The following UBE3C variants were observed in gnomAD, a reference collection of about 807,000 sequenced individuals.
UBE3C encodes the protein ubiquitin protein ligase E3C.
In UBE3C, 42 loss-of-function variants were observed where a neutral mutation model predicts 129.4. That is an observed-to-expected ratio of 0.32 (90% confidence interval 0.25 to 0.42). The LOEUF is 0.42. UBE3C is among the 10% of genes least tolerant of loss of function. The pLI, the probability that UBE3C is intolerant of heterozygous loss-of-function variation, is 1.00. For missense variants in UBE3C, 1,049 were observed against 1,319.1 expected (o/e 0.80, Z 3.17); for synonymous variants, 510 against 492.4 (o/e 1.04, Z -0.47).
Position 157,207,809 on chromosome 7 carries a change from T to G in UBE3C, c.1683T>G (p.Tyr561Ter). 6.2e-7 allele frequency: 1 copy of G among 1,614,146 alleles called. No individual in the cohort carries two copies. The highest frequency in any genetic ancestry group is 8.5e-7 in the Non-Finnish European group (1 of 1,180,022). The change falls in exon 13 of 23, where the codon TAT becomes TAG. Residue 561 changes from tyrosine to a stop codon, truncating the protein, a stop_gained. Coordinates refer to ENST00000348165, the MANE Select transcript of UBE3C (RefSeq NM_014671.3). LOFTEE classifies it high-confidence loss of function. Reference sequence around the variant, plus strand: ...GCCTGGGGATCATCAAGTTGGCTTATCCAGAAACCAAGCCAGAAGTTCGAG... The same window carrying G: ...GCCTGGGGATCATCAAGTTGGCTTAGCCAGAAACCAAGCCAGAAGTTCGAG... ...DACLGIIKLA[Y>*]PETKPEVREE...
intron 10 of UBE3C, among the ~76,000 whole-genome samples, chr7:157,189,879 C>A (rs1198636831): frequency 6.6e-6 from 1 of 152,184 alleles, no homozygotes; most frequent in African/African-American, 2.4e-5. Context: ...CGGCTCACTG[C>A]AACCTCCACC....
intron 13 of UBE3C, among the ~76,000 whole-genome samples, chr7:157,211,212 T>G (rs1241921207): frequency 7.9e-6 from 1 of 126,990 alleles, no homozygotes; most frequent in Admixed American, 7.7e-5. Flanking sequence ...ATGAGTGATT[T>G]TTTTACTTCC....
chr7:157,207,951 ATT>A lies in UBE3C; in HGVS notation c.1809+22_1809+23del, dbSNP rs111673497. 7.3e-7 allele frequency: 1 copy of A among 1,378,648 alleles called. No homozygotes were observed. The highest frequency in any genetic ancestry group is 9.4e-7 in the Non-Finnish European group (1 of 1,060,766). 85.4% of individuals were successfully genotyped at this position (1,378,648 alleles called of 1,614,324 possible). On this transcript the variant is annotated intron_variant, in intron 13 of 22. Coordinates refer to ENST00000348165, the MANE Select transcript of UBE3C (RefSeq NM_014671.3). The stretch of plus-strand genomic sequence containing the variant: ...GTTATTTAAGGTATAGAGTATATGT[ATT>A]TTTTTGTTTACTGACATTGAAAAAT...
intron 18 of UBE3C, among the ~76,000 whole-genome samples, chr7:157,242,426 T>C (rs1796355682): frequency 6.6e-6 from 1 of 152,024 alleles, no homozygotes; most frequent in Non-Finnish European, 1.5e-5. Context: ...ATGGCAAAAG[T>C]AGAATTTTGA....
At chr7:157,178,282 G>A (rs986963972) in intron 5 of UBE3C, among the ~76,000 whole-genome samples, 5 of 152,208 alleles carry the variant, frequency 3.3e-5, no homozygotes, top group South Asian at 2.1e-4. Flanking sequence ...TATTGCAGGC[G>A]TGGAAAGTCT....
chr7:157,245,611 C>T (rs1796451773), intron 18 of UBE3C, among the ~76,000 whole-genome samples: 1 of 152,092 alleles, frequency 6.6e-6, no homozygotes, highest in Non-Finnish European at 1.5e-5. Flanking sequence ...GCTATCTTTT[C>T]AAAATTAATT....
Position 157,220,715 on chromosome 7 carries a change from C to T in UBE3C, c.1941C>T (p.Ser647=). The change falls in exon 15 of 23, where the codon TCC becomes TCT. Residue 647 remains serine (S), a synonymous_variant. Coordinates refer to ENST00000348165, the MANE Select transcript of UBE3C (RefSeq NM_014671.3). ...TCACTCAGCTCTATGTGCCAGCATC[C>T]AGACATGTGTGGAGGTTCCGGCGGA... ...DKVTQLYVPA[S]RHVWRFRRMG... The T allele has an allele frequency of 6.2e-7, 1 of 1,614,168 alleles. No individual in the cohort carries two copies. The highest frequency in any genetic ancestry group is 8.5e-7 in the Non-Finnish European group (1 of 1,179,998).
At chr7:157,171,850 A>G (rs1023151637) in intron 4 of UBE3C, among the ~76,000 whole-genome samples, 3 of 148,362 alleles carry the variant, frequency 2.0e-5, no homozygotes, top group Admixed American at 6.7e-5. Context: ...GGGATTACAG[A>G]CGTGTACCAC....
intron 8 of UBE3C, among the ~76,000 whole-genome samples, chr7:157,183,405 C>T (rs920262902): frequency 2.0e-5 from 3 of 152,138 alleles, no homozygotes; most frequent in African/African-American, 7.2e-5. Context: ...GCTTCCATGC[C>T]TTCTCCAGGC....
At chr7:157,163,773 T>C in intron 1 of UBE3C, 37 bp from the exon 2 acceptor site, 1 of 1,599,214 alleles carries the variant, frequency 6.3e-7, no homozygotes, top group Non-Finnish European at 8.5e-7. Context: ...AAATTGAAAT[T>C]ATAACCTTAC....
chr7:157,197,080 T>C (rs542761550), intron 10 of UBE3C, among the ~76,000 whole-genome samples: 5 of 152,306 alleles, frequency 3.3e-5, no homozygotes, highest in South Asian at 4.1e-4. Flanking sequence ...TATATCTAAA[T>C]CAGTAAGTAA....
chr7:157,189,267 T>C (rs1417346423), intron 10 of UBE3C: 1 of 278,322 alleles, frequency 3.6e-6, no homozygotes, highest in Non-Finnish European at 6.6e-6. Flanking sequence ...TATTTTAAAA[T>C]TGGTTAAGTA....
At chr7:157,254,424 T>C in intron 21 of UBE3C, 114 bp downstream of exon 21, 1 of 548,986 alleles carries the variant, frequency 1.8e-6, no homozygotes, top group Non-Finnish European at 2.5e-6. Context: ...TCAGACTGAG[T>C]TTCACTCTTG....
chr7:157,140,122 C>T (rs1807397430), intron 1 of UBE3C: 1 of 746,232 alleles, frequency 1.3e-6, no homozygotes, highest in Non-Finnish European at 1.6e-6. Context: ...TTCACTGGAA[C>T]CGCTAAGTCG....
chr7:157,142,564 G>A (rs750040639), intron 1 of UBE3C, among the ~76,000 whole-genome samples: 11 of 152,184 alleles, frequency 7.2e-5, no homozygotes, highest in Non-Finnish European at 1.5e-4. Context: ...GGCATTCCAG[G>A]TTCGTGGAGC....
chr7:157,158,050 CTTTTTTTTTTT>C (rs60257662), intron 1 of UBE3C, among the ~76,000 whole-genome samples: 6 of 101,122 alleles, frequency 5.9e-5, no homozygotes, highest in Admixed American at 3.8e-4. Flanking sequence ...CTCTTTTTTC[CTTTTTTTTTTT>C]TTTTTTTTTT....
In UBE3C at chr7:157,207,887, G is replaced by A; in HGVS notation, c.1761G>A (p.Met587Ile). 3 of 1,612,300 alleles carry A rather than the reference G, an allele frequency of 1.9e-6. No homozygotes were observed. The highest frequency in any genetic ancestry group is 4.5e-5 in the East Asian group (2 of 44,788). ...TTGGAGTTACTACTAGCTCTGAAAT[G>A]CAACAATGCATACAGATGGAACAGA... Reference protein sequence around the residue: ...QSIGVTTSSEMQQCIQMEQKR... With the variant: ...QSIGVTTSSEIQQCIQMEQKR... Residue 587 changes from methionine (M) to isoleucine (I), a missense_variant, in exon 13 of 23, where the codon ATG becomes ATA. By Grantham distance (10) the Met-to-Ile change is conservative. Around this residue, in one of 4 missense-constraint regions of UBE3C, gnomAD observed 314 missense variants for 416.9 expected, o/e 0.75. Coordinates refer to ENST00000348165, the MANE Select transcript of UBE3C (RefSeq NM_014671.3).
At chr7:157,261,306 GAAAAAAAAAAAAAAAAAAA>G (rs57114090) in intron 22 of UBE3C, among the ~76,000 whole-genome samples, 1,994 of 78,168 alleles carry the variant, frequency 0.026, 82 homozygotes, top group African/African-American at 0.093. Context: ...AACTCTGTCT[GAAAAAAAAAAAAAAAAAAA>G]AAAAAAAAAA....
intron 18 of UBE3C, among the ~76,000 whole-genome samples, chr7:157,245,842 T>A (rs1796457885): frequency 6.6e-6 from 1 of 151,942 alleles, no homozygotes; most frequent in Non-Finnish European, 1.5e-5. Context: ...AATACAAAAA[T>A]TAGCTGGGCC....
Sources: allele counts gnomAD v4.1 joint callset (sites outside exome capture counted in the v4.1 genomes callset), GRCh38; gene constraint gnomAD v4.1.1; regional missense constraint gnomAD v4.1.1; transcripts MANE v1.5; gene names NCBI Gene and HGNC (gene_info 2026-07-23, HGNC 2026-07-21).